Variants in GRIA4 observed in about 807,000 individuals in gnomAD.
GRIA4 encodes the protein glutamate ionotropic receptor AMPA type subunit 4.
In GRIA4, 34 loss-of-function variants were observed where a neutral mutation model predicts 104.0. The ratio of observed to expected loss-of-function variants is 0.33; its 90% CI spans 0.25 to 0.44. GRIA4 has a LOEUF of 0.44. Among genes scored for constraint, GRIA4 ranks in the 20% least tolerant of loss-of-function variants. The pLI is 1.00. For missense variants in GRIA4, 750 were observed against 1,096.5 expected, an observed-to-expected ratio of 0.68 and a Z score of 4.46; for synonymous variants, 386 against 381.9, an observed-to-expected ratio of 1.01 and a Z score of -0.13.
chr11:105,862,237 T>C, intron 5 of GRIA4, 29 bp downstream of exon 5: 1 of 1,296,186 alleles, frequency 7.7e-7, no homozygotes, highest in Non-Finnish European at 1.1e-6. Flanking sequence ...ATTTTTAACC[T>C]AGACCCTATA....
intron 5 of GRIA4, among the ~76,000 whole-genome samples, chr11:105,868,059 A>G (rs932030548): frequency 6.6e-6 from 1 of 152,196 alleles, no homozygotes; most frequent in African/African-American, 2.4e-5. Context: ...ATAAATAATT[A>G]CAAAATAATT....
chr11:105,764,402 C>T (rs904596184), intron 4 of GRIA4, among the ~76,000 whole-genome samples: 2 of 152,062 alleles, frequency 1.3e-5, no homozygotes, highest in African/African-American at 2.4e-5. Context: ...TTCCTATTTG[C>T]ATTTTGACCT....
intron 3 of GRIA4, among the ~76,000 whole-genome samples, chr11:105,642,097 C>T (rs4754134): frequency 0.32 from 49,000 of 151,744 alleles, 8,435 homozygotes; most frequent in Admixed American, 0.45. Flanking sequence ...TTAGGGCCCA[C>T]CCTAATGACC....
At chr11:105,811,721 T>A (rs1208794025) in intron 4 of GRIA4, among the ~76,000 whole-genome samples, 1 of 152,196 alleles carries the variant, frequency 6.6e-6, no homozygotes, top group Non-Finnish European at 1.5e-5. Flanking sequence ...AAATATTTGA[T>A]ATGTATCTGA....
At chr11:105,931,834 C>G (rs1947884936) in intron 13 of GRIA4, among the ~76,000 whole-genome samples, 1 of 152,116 alleles carries the variant, frequency 6.6e-6, no homozygotes, top group Admixed American at 6.6e-5. Context: ...CTTATGAAAT[C>G]AAAAATTTGA....
intron 3 of GRIA4, among the ~76,000 whole-genome samples, chr11:105,662,794 G>A (rs1952052137): frequency 6.6e-6 from 1 of 151,836 alleles, no homozygotes; most frequent in South Asian, 2.1e-4. Flanking sequence ...AAAGCCAGTG[G>A]TTAAAAAGCA....
chr11:105,850,032 T>A (rs1434711322), intron 4 of GRIA4, among the ~76,000 whole-genome samples: 2 of 152,208 alleles, frequency 1.3e-5, no homozygotes, highest in African/African-American at 4.8e-5. Context: ...TGATTGTGCC[T>A]ATCAGTTTCA....
chr11:105,899,139 C>A (rs1198600021), intron 7 of GRIA4, among the ~76,000 whole-genome samples: 1 of 152,088 alleles, frequency 6.6e-6, no homozygotes, highest in Non-Finnish European at 1.5e-5. Flanking sequence ...AAACTCAAGC[C>A]TAGAAAAAAC....
intron 4 of GRIA4, among the ~76,000 whole-genome samples, chr11:105,754,396 T>C (rs959331793): frequency 2.0e-5 from 3 of 152,170 alleles, no homozygotes; most frequent in Non-Finnish European, 4.4e-5. Flanking sequence ...AATTGAGCCA[T>C]AACATTGAGT....
intron 3 of GRIA4, among the ~76,000 whole-genome samples, chr11:105,654,242 G>A (rs1355471944): frequency 6.6e-6 from 1 of 151,646 alleles, no homozygotes; most frequent in East Asian, 1.9e-4. Context: ...AAGGCTACAG[G>A]ATTTCAGTGA....
Position 105,972,554 on chromosome 11 carries a change from C to G in GRIA4, c.2409+526C>G, listed in dbSNP as rs185007174. Among the ~76,000 whole-genome samples, 2 of 152,162 alleles carry G rather than the reference C, an allele frequency of 1.3e-5. 1 individual carries two copies. Among genetic ancestry groups the G allele is most frequent in the Middle Eastern group, 6.8e-3 (2 of 294 alleles). On this transcript the variant is annotated intron_variant, in intron 15 of 16. Coordinates refer to ENST00000282499, the MANE Select transcript of GRIA4 (RefSeq NM_000829.4). ...TGTGCTGATAGAGAAACAGAGTGAA[C>G]CTTTCAATTCTACTTGCCCAATTGA...
chr11:105,824,565 C>T (rs1035520605), intron 4 of GRIA4: 6 of 152,004 alleles, frequency 3.9e-5, no homozygotes, highest in East Asian at 1.9e-4. Flanking sequence ...TGTAGAACAA[C>T]GTGATTATAT....
At chr11:105,667,805 C>T (rs1160849512) in intron 3 of GRIA4, among the ~76,000 whole-genome samples, 1 of 151,880 alleles carries the variant, frequency 6.6e-6, no homozygotes, top group Non-Finnish European at 1.5e-5. Context: ...TCTTTTATTT[C>T]TCATAGTTGT....
At chr11:105,968,414 C>T (rs1478047504) in intron 14 of GRIA4, among the ~76,000 whole-genome samples, 1 of 152,190 alleles carries the variant, frequency 6.6e-6, no homozygotes, top group Non-Finnish European at 1.5e-5. Flanking sequence ...AACAATTAGA[C>T]TATTTGGGGT....
chr11:105,806,198 A>C (rs998966976), intron 4 of GRIA4, among the ~76,000 whole-genome samples: 20 of 152,022 alleles, frequency 1.3e-4, no homozygotes, highest in African/African-American at 3.9e-4. Flanking sequence ...ATGACAATAA[A>C]AAAGAAATAT....
At chr11:105,857,763 T>G (rs954394099) in intron 4 of GRIA4, among the ~76,000 whole-genome samples, 1 of 152,162 alleles carries the variant, frequency 6.6e-6, no homozygotes, top group African/African-American at 2.4e-5. Context: ...CTAGTTCTCA[T>G]CCAAGTAAAG....
intron 4 of GRIA4, among the ~76,000 whole-genome samples, chr11:105,818,895 C>A (rs1943478318): frequency 6.6e-6 from 1 of 152,098 alleles, no homozygotes; most frequent in African/African-American, 2.4e-5. Context: ...CTTAACTAAT[C>A]CCTTGTTTTT....
chr11:105,753,211 A>T lies in GRIA4; in HGVS notation c.478A>T (p.Thr160Ser). The change falls in exon 4 of 17, where the codon ACA becomes TCA. Residue 160 changes from threonine to serine, a missense_variant. By Grantham distance (58) the Thr-to-Ser change is moderately conservative (BLOSUM62 1). This residue lies in a region of GRIA4 where 410 missense variants were observed against 502.7 expected (regional missense o/e 0.82). Coordinates refer to ENST00000282499, the MANE Select transcript of GRIA4 (RefSeq NM_000829.4). ...GAACTGTTTTGTCTTCCTGTATGACACAGACAGGGGTAAGTCCAGTTTCTT... is the reference window on the plus strand; with the variant it reads ...GAACTGTTTTGTCTTCCTGTATGACTCAGACAGGGGTAAGTCCAGTTTCTT... ...EWNCFVFLYDTDRGYSILQAI... is the reference protein window; with the variant it reads ...EWNCFVFLYDSDRGYSILQAI... 2 of 1,613,072 alleles carry T rather than the reference A, an allele frequency of 1.2e-6. No individual in the cohort carries two copies. The highest frequency in any genetic ancestry group is 1.7e-6 in the Non-Finnish European group (2 of 1,179,110).
chr11:105,980,829 ATT>A lies in GRIA4; in HGVS notation c.*1095_*1096del, dbSNP rs1187782616. 2 of 152,612 alleles carry A rather than the reference ATT, an allele frequency of 1.3e-5. No homozygotes were observed. The highest frequency in any genetic ancestry group is 2.9e-5 in the Non-Finnish European group (2 of 68,034). 9.5% of individuals were successfully genotyped at this position (152,612 alleles called of 1,614,324 possible). A position where few individuals can be genotyped will look rare whatever the true frequency, so the allele number is the denominator to read the frequency against. The stretch of plus-strand genomic sequence containing the variant: ...GTGGAAAATGTAGCTAGCCCTCATT[ATT>A]TTTTGCATACTAAGCTACCCCTCCT... On this transcript the variant is annotated 3_prime_UTR_variant, in exon 17 of 17. Coordinates refer to ENST00000282499, the MANE Select transcript of GRIA4 (RefSeq NM_000829.4).
Sources: gnomAD v4.1 joint callset for allele counts (sites outside exome capture counted in the v4.1 genomes callset) on GRCh38, gnomAD v4.1.1 for gene constraint, gnomAD v4.1.1 regional missense constraint, MANE v1.5 for transcripts, NCBI Gene and HGNC (gene_info 2026-07-23, HGNC 2026-07-21) for gene names.